The following EXT1 variants were observed in gnomAD, a reference collection of about 807,000 sequenced individuals.
The protein encoded by EXT1 is exostosin-1.
A neutral mutation model predicts 82.5 loss-of-function variants in EXT1; 20 were observed. That is an observed-to-expected ratio of 0.24 (90% CI 0.17 to 0.35). EXT1 has a LOEUF of 0.35. Among genes scored for constraint, EXT1 ranks in the 10% least tolerant of loss-of-function variants. The pLI, the probability that EXT1 is intolerant of heterozygous loss-of-function variation, is 1.00. For synonymous variants in EXT1, 348 were observed against 350.8 expected (o/e 0.99, Z 0.09); for missense variants, 757 against 936.5 (o/e 0.81, Z 2.50).
chr8:117,830,568 T>C (rs1026845247), intron 3 of EXT1, among the ~76,000 whole-genome samples: 1 of 152,238 alleles, frequency 6.6e-6, no homozygotes, highest in Non-Finnish European at 1.5e-5. Flanking sequence ...CTTTGATGTA[T>C]GAAAGTTACA....
In EXT1 at chr8:118,015,777, C is replaced by T. The variant is rs1455657309; in HGVS notation, c.962+94308G>A. On this transcript the variant is annotated intron_variant, in intron 1 of 10. Coordinates refer to ENST00000378204, the MANE Select transcript of EXT1 (RefSeq NM_000127.3). ...TTATTTGAAAAAGCAGTTGTTGCAG[C>T]TGTCACCCCAGCCTGGAGTGGGGAG... Among the ~76,000 whole-genome samples, 4 of 152,220 alleles carry T rather than the reference C, an allele frequency of 2.6e-5. No individual in the cohort carries two copies. In the East Asian group the frequency reaches 7.7e-4, roughly 29 times the overall value.
chr8:118,073,038 T>C (rs1817125763), intron 1 of EXT1, among the ~76,000 whole-genome samples: 1 of 152,192 alleles, frequency 6.6e-6, no homozygotes, highest in Non-Finnish European at 1.5e-5. Flanking sequence ...CAGGGGCAGA[T>C]GCCAATATTA....
chr8:117,861,271 T>A (rs1812679258), intron 1 of EXT1, among the ~76,000 whole-genome samples: 2 of 152,296 alleles, frequency 1.3e-5, no homozygotes, highest in Non-Finnish European at 2.9e-5. Flanking sequence ...TAATTCATAA[T>A]TTACACAAGG....
At chr8:118,053,626 T>TAA (rs1816752091) in intron 1 of EXT1, among the ~76,000 whole-genome samples, 1 of 151,770 alleles carries the variant, frequency 6.6e-6, no homozygotes, top group South Asian at 2.1e-4. Context: ...AAAGGAGGAG[T>TAA]AATGCTGTTT....
In EXT1 at chr8:118,101,154, C is replaced by T. The variant is rs145376300; in HGVS notation, c.962+8931G>A. Among the ~76,000 whole-genome samples, 22 of 152,334 alleles carry T rather than the reference C, an allele frequency of 1.4e-4. No homozygotes were observed. The East Asian group carries it at 3.5e-3, about 24-fold the overall frequency. On this transcript the variant is annotated intron_variant, in intron 1 of 10. Coordinates refer to ENST00000378204, the MANE Select transcript of EXT1 (RefSeq NM_000127.3). The stretch of plus-strand genomic sequence containing the variant: ...AGGTACAGTCTCACATACTCCACCT[C>T]ATTTGACCTTCTTAACGACCCTATG...
chr8:117,946,346 G>A (rs144277469), intron 1 of EXT1, among the ~76,000 whole-genome samples: 5 of 150,802 alleles, frequency 3.3e-5, no homozygotes, highest in African/African-American at 7.3e-5. Context: ...AAAGACTTGA[G>A]TAATGGTTTT....
intron 1 of EXT1, among the ~76,000 whole-genome samples, chr8:118,047,723 T>C (rs559729070): frequency 3.9e-5 from 6 of 152,116 alleles, no homozygotes; most frequent in Admixed American, 1.3e-4. Flanking sequence ...TACGAAAAAA[T>C]ATCTGCTATT....
chr8:118,097,748 C>T (rs1441875002), intron 1 of EXT1, among the ~76,000 whole-genome samples: 1 of 152,166 alleles, frequency 6.6e-6, no homozygotes, highest in East Asian at 1.9e-4. Context: ...GCCTGCACAC[C>T]GTAGGCACTC....
At chr8:117,925,216 T>A (rs1279209952) in intron 1 of EXT1, among the ~76,000 whole-genome samples, 1 of 152,194 alleles carries the variant, frequency 6.6e-6, no homozygotes, top group Non-Finnish European at 1.5e-5. Context: ...TTCTATGGCT[T>A]TCCTCATATG....
At chr8:117,874,342 G>A (rs1812928885) in intron 1 of EXT1, among the ~76,000 whole-genome samples, 1 of 152,006 alleles carries the variant, frequency 6.6e-6, no homozygotes, top group Non-Finnish European at 1.5e-5. Context: ...TGGGAAGGCT[G>A]AGGCAGGCAG....
At chr8:117,993,503 A>T (rs1815476317) in intron 1 of EXT1, among the ~76,000 whole-genome samples, 1 of 152,244 alleles carries the variant, frequency 6.6e-6, no homozygotes, top group African/African-American at 2.4e-5. Flanking sequence ...CAGAAAAGGG[A>T]TATGTTAATT....
intron 1 of EXT1, among the ~76,000 whole-genome samples, chr8:118,048,259 A>T (rs1373570460): frequency 6.6e-6 from 1 of 152,160 alleles, no homozygotes; most frequent in Non-Finnish European, 1.5e-5. Context: ...CAAACACCTA[A>T]ATCAAGTGAA....
At chr8:118,022,143 T>A (rs1255206796) in intron 1 of EXT1, among the ~76,000 whole-genome samples, 1 of 152,046 alleles carries the variant, frequency 6.6e-6, no homozygotes, top group Middle Eastern at 3.2e-3. Flanking sequence ...AAACCAACCA[T>A]CAGTGAAACC....
chr8:117,953,091 C>T (rs1337239753), intron 1 of EXT1, among the ~76,000 whole-genome samples: 3 of 152,096 alleles, frequency 2.0e-5, no homozygotes, highest in Non-Finnish European at 2.9e-5. Context: ...AATAACGATT[C>T]CCTCTTTTGT....
At chr8:118,109,518 A>G (rs1283064870) in intron 1 of EXT1, among the ~76,000 whole-genome samples, 1 of 152,112 alleles carries the variant, frequency 6.6e-6, no homozygotes, top group Non-Finnish European at 1.5e-5. Context: ...AGTCAATGCC[A>G]CGGGGGAGAG....
intron 10 of EXT1, among the ~76,000 whole-genome samples, chr8:117,801,561 G>A (rs1484630053): frequency 6.6e-5 from 10 of 151,760 alleles, no homozygotes; most frequent in African/African-American, 9.7e-5. Context: ...GCTGGAGTGC[G>A]GTGGCATGAT....
At chr8:117,934,554 C>T (rs1814122998) in intron 1 of EXT1, among the ~76,000 whole-genome samples, 1 of 152,244 alleles carries the variant, frequency 6.6e-6, no homozygotes, top group Non-Finnish European at 1.5e-5. Flanking sequence ...GTCACGCCCC[C>T]TTTCCCTTCC....
At position 118,089,770 on chromosome 8, in the gene EXT1, T is replaced by C. The variant is rs141157318; in HGVS notation, c.962+20315A>G. On this transcript the variant is annotated intron_variant, in intron 1 of 10. Coordinates refer to ENST00000378204, the MANE Select transcript of EXT1 (RefSeq NM_000127.3). ...TCTTATGTGCTAGAAGGGTTTCACT[T>C]AAATGACAGTAGGAGGTTTTACATA... 3.0e-3 allele frequency among the ~76,000 whole-genome samples: 459 copies of C among 152,286 alleles called. 2 individuals are homozygous for C. The highest frequency in any genetic ancestry group is 0.011 in the African/African-American group (439 of 41,562).
chr8:118,053,737 C>T (rs1015721499), intron 1 of EXT1, among the ~76,000 whole-genome samples: 1 of 152,188 alleles, frequency 6.6e-6, no homozygotes, highest in Non-Finnish European at 1.5e-5. Flanking sequence ...AGCTGAAGTA[C>T]AACAGGTTAT....
Sources: gnomAD v4.1 joint callset for allele counts (sites outside exome capture counted in the v4.1 genomes callset) on GRCh38, gnomAD v4.1.1 for gene constraint, MANE v1.5 for transcripts, NCBI Gene and HGNC (gene_info 2026-07-23, HGNC 2026-07-21) for gene names.